ZGRF1: variants seen among roughly 807,000 people sequenced by gnomAD.
ZGRF1 encodes zinc finger GRF-type containing 1.
Under a neutral mutation model 203.5 loss-of-function variants are expected in ZGRF1, and 196 were observed. That is an observed-to-expected ratio of 0.96 (90% CI 0.86 to 1.08). The LOEUF (loss-of-function observed/expected upper bound fraction) is 1.08. ZGRF1 is among the 50% of genes least tolerant of loss of function. The probability of loss-of-function intolerance (pLI) is 0.00; values close to 1 mark genes in which losing one functional copy is unlikely to be tolerated. For missense variants in ZGRF1, 2,326 were observed against 2,416.3 expected, an observed-to-expected ratio of 0.96 and a Z score of 0.78; for synonymous variants, 809 against 841.3, an observed-to-expected ratio of 0.96 and a Z score of 0.66.
intron 16 of ZGRF1, among the ~76,000 whole-genome samples, chr4:112,570,819 G>A (rs547936564): frequency 6.6e-6 from 1 of 152,172 alleles, no homozygotes; most frequent in East Asian, 1.9e-4. Context: ...AAATAGAGTG[G>A]TAGGCCAGGC....
At chr4:112,616,887 C>A (rs1175029997) in intron 6 of ZGRF1, among the ~76,000 whole-genome samples, 1 of 151,116 alleles carries the variant, frequency 6.6e-6, no homozygotes, top group Non-Finnish European at 1.5e-5. Flanking sequence ...GAAAAGAACT[C>A]TGTGGTATAG....
At chr4:112,622,668 T>G (rs1048776301) in intron 4 of ZGRF1, among the ~76,000 whole-genome samples, 2 of 152,064 alleles carry the variant, frequency 1.3e-5, no homozygotes, top group Admixed American at 6.6e-5. Flanking sequence ...AGAGTTTAGG[T>G]GGGCCAGGAA....
chr4:112,606,596 T>C (rs1398036118), intron 8 of ZGRF1, among the ~76,000 whole-genome samples: 1 of 150,718 alleles, frequency 6.6e-6, no homozygotes, highest in African/African-American at 2.4e-5. Context: ...AGGCAGAGAT[T>C]GTGGTGAGCT....
At chr4:112,614,095 A>G (rs923439762) in intron 6 of ZGRF1, among the ~76,000 whole-genome samples, 4 of 152,236 alleles carry the variant, frequency 2.6e-5, no homozygotes, top group Non-Finnish European at 5.9e-5. Context: ...ATTATCTCAC[A>G]AAAAATTTAG....
intron 10 of ZGRF1, among the ~76,000 whole-genome samples, chr4:112,595,829 T>C (rs547312928): frequency 6.6e-6 from 1 of 152,296 alleles, no homozygotes; most frequent in African/African-American, 2.4e-5. Context: ...TAAAAAACAT[T>C]GTGTAATGTC....
intron 16 of ZGRF1, among the ~76,000 whole-genome samples, chr4:112,564,369 A>G (rs78610398): frequency 0.019 from 2,848 of 152,328 alleles, 38 homozygotes; most frequent in Middle Eastern, 0.031. Context: ...GCCCTGAAAG[A>G]GAGACTAAAC....
intron 15 of ZGRF1, 29 bp from the exon 16 acceptor site, chr4:112,581,831 A>G: frequency 8.6e-7 from 1 of 1,166,448 alleles, no homozygotes; most frequent in Non-Finnish European, 1.1e-6. Context: ...ATAAAAATGA[A>G]TTGTAATATT....
At chr4:112,589,550 C>A (rs1417358821) in intron 11 of ZGRF1, 174 bp downstream of exon 11, 1 of 597,660 alleles carries the variant, frequency 1.7e-6, no homozygotes, top group Non-Finnish European at 3.0e-6. Flanking sequence ...GAATATTGTA[C>A]CTGGAATAGC....
At chr4:112,635,087 G>A (rs896532801) in intron 1 of ZGRF1, among the ~76,000 whole-genome samples, 1 of 144,502 alleles carries the variant, frequency 6.9e-6, no homozygotes, top group African/African-American at 2.6e-5. Context: ...CAGAGATCAC[G>A]CCACTGCACT....
chr4:112,560,673 T>G, intron 19 of ZGRF1, 60 bp downstream of exon 19: 2 of 1,362,246 alleles, frequency 1.5e-6, no homozygotes, highest in Non-Finnish European at 2.0e-6. Context: ...AGGAGCAGAC[T>G]GAGTTACAAA....
chr4:112,578,561 T>C lies in ZGRF1; in HGVS notation c.4438+3102A>G, dbSNP rs1253534369. Among the ~76,000 whole-genome samples, 6 of 121,180 alleles carry C rather than the reference T, an allele frequency of 5.0e-5. 1 individual carries two copies. Among genetic ancestry groups the C allele is most frequent in the Non-Finnish European group, 7.4e-5 (4 of 54,382 alleles). 79.5% of individuals were successfully genotyped at this position (121,180 alleles called of 152,430 possible). A position where few individuals can be genotyped will look rare whatever the true frequency, so the allele number is the denominator to read the frequency against. On this transcript the variant is annotated intron_variant, in intron 16 of 27. Transcript: ENST00000505019. ...AAGAAGAAAAGAGAGAAGAATCAAATAGACACAATAAAAAATGATAAAGGG... is the reference window on the plus strand; with the variant it reads ...AAGAAGAAAAGAGAGAAGAATCAAACAGACACAATAAAAAATGATAAAGGG...
At chr4:112,594,470 T>TGAGACA (rs1429904411) in intron 10 of ZGRF1, among the ~76,000 whole-genome samples, 1 of 151,762 alleles carries the variant, frequency 6.6e-6, no homozygotes, top group African/African-American at 2.4e-5. Flanking sequence ...TTTTTTTCTT[T>TGAGACA]GAGACAGACA....
chr4:112,629,237 A>C (rs112725851), intron 3 of ZGRF1, among the ~76,000 whole-genome samples: 3 of 152,256 alleles, frequency 2.0e-5, no homozygotes, highest in Non-Finnish European at 4.4e-5. Flanking sequence ...TCAACGTGAA[A>C]GTACCCTGTA....
chr4:112,616,468 T>C (rs541766267), intron 6 of ZGRF1, among the ~76,000 whole-genome samples: 1 of 145,480 alleles, frequency 6.9e-6, no homozygotes, highest in African/African-American at 2.6e-5. Flanking sequence ...GAGCTTGCAG[T>C]GAGCCGAGAT....
intron 10 of ZGRF1, among the ~76,000 whole-genome samples, chr4:112,603,067 A>T (rs867458573): frequency 3.3e-5 from 5 of 151,362 alleles, no homozygotes; most frequent in South Asian, 2.1e-4. Flanking sequence ...AGGGAAATTT[A>T]AAAAAAAATC....
Position 112,600,378 on chromosome 4 carries a change from C to G in ZGRF1, c.2976+3146G>C, listed in dbSNP as rs7664741. 3.7e-3 allele frequency among the ~76,000 whole-genome samples: 570 copies of G among 152,120 alleles called. 3 individuals are homozygous for G. The highest frequency in any genetic ancestry group is 0.013 in the African/African-American group (548 of 41,502). Reference sequence around the variant, plus strand: ...ACAAAAGCGCTAATCGTAAAGGAAACAGCAAATAAATTACATTAAAAATGA... The same window carrying G: ...ACAAAAGCGCTAATCGTAAAGGAAAGAGCAAATAAATTACATTAAAAATGA... On this transcript the variant is annotated intron_variant, in intron 10 of 27. Coordinates refer to ENST00000505019, the MANE Select transcript of ZGRF1 (RefSeq NM_018392.5).
At chr4:112,605,312 C>CA (rs1241369690) in intron 9 of ZGRF1, among the ~76,000 whole-genome samples, 2 of 152,114 alleles carry the variant, frequency 1.3e-5, no homozygotes, top group African/African-American at 4.8e-5. Flanking sequence ...AGGTGTGTAC[C>CA]ACCACACCCA....
chr4:112,554,353 A>G (rs550318754), intron 21 of ZGRF1, among the ~76,000 whole-genome samples: 1 of 151,972 alleles, frequency 6.6e-6, no homozygotes, highest in African/African-American at 2.4e-5. Flanking sequence ...CTGGGTATAT[A>G]CCCAAAGGAT....
chr4:112,547,220 C>G (rs1738976740), intron 24 of ZGRF1, 65 bp downstream of exon 24: 1 of 1,412,040 alleles, frequency 7.1e-7, no homozygotes. Context: ...CATTCTCTAT[C>G]AACACACACA....
Sources: allele counts gnomAD v4.1 joint callset (sites outside exome capture counted in the v4.1 genomes callset), GRCh38; gene constraint gnomAD v4.1.1; transcripts MANE v1.5; gene names NCBI Gene and HGNC (gene_info 2026-07-23, HGNC 2026-07-21).